The following ARSG variants were observed in gnomAD, a reference collection of about 807,000 sequenced individuals.
ARSG encodes arylsulfatase G.
Under a neutral mutation model 50.5 loss-of-function variants are expected in ARSG, and 37 were observed. The observed-to-expected ratio is 0.73, with a 90% CI of 0.56 to 0.96. The LOEUF (loss-of-function observed/expected upper bound fraction) is 0.96. Ranked by LOEUF, ARSG falls within the 50% of genes least tolerant of loss-of-function variation. The pLI, the probability that ARSG is intolerant of heterozygous loss-of-function variation, is 0.00. For missense variants in ARSG, 629 were observed against 675.3 expected (o/e 0.93, Z 0.76); for synonymous variants, 225 against 254.6 (o/e 0.88, Z 1.11).
chr17:68,325,336 A>G (rs1050253889), intron 2 of ARSG, among the ~76,000 whole-genome samples: 1 of 151,648 alleles, frequency 6.6e-6, no homozygotes, highest in Non-Finnish European at 1.5e-5. Flanking sequence ...CCCAGATGGG[A>G]CCATCTAGTT....
intron 11 of ARSG, among the ~76,000 whole-genome samples, chr17:68,409,638 G>C (rs886714935): frequency 3.3e-5 from 5 of 150,040 alleles, no homozygotes; most frequent in African/African-American, 1.2e-4. Flanking sequence ...CTTTAAAGTA[G>C]TTTTTTCCAA....
chr17:68,358,438 C>T (rs1369604011), intron 6 of ARSG, among the ~76,000 whole-genome samples: 1 of 151,944 alleles, frequency 6.6e-6, no homozygotes, highest in African/African-American at 2.4e-5. Flanking sequence ...TCTGTAATCC[C>T]AGCACTTTGG....
At chr17:68,324,425 A>G (rs1044300590) in intron 2 of ARSG, among the ~76,000 whole-genome samples, 1 of 152,144 alleles carries the variant, frequency 6.6e-6, no homozygotes, top group South Asian at 2.1e-4. Flanking sequence ...GGCTCCTGTA[A>G]CACGATGACC....
At chr17:68,428,243 T>TA in the ARSG span, 3 of 151,654 alleles carry the variant, frequency 2.0e-5, no homozygotes, top group African/African-American at 7.3e-5. Flanking sequence ...TTTTTTTTTT[T>TA]ATTTTGAGAC....
chr17:68,432,724 C>T, the ARSG span, among the ~76,000 whole-genome samples: 1 of 152,198 alleles, frequency 6.6e-6, no homozygotes, highest in Non-Finnish European at 1.5e-5. Flanking sequence ...TCCCCAGATA[C>T]AGTAGGCTTT....
At chr17:68,395,556 A>G (rs547376393) in intron 10 of ARSG, among the ~76,000 whole-genome samples, 21 of 152,322 alleles carry the variant, frequency 1.4e-4, no homozygotes, top group African/African-American at 5.1e-4. Flanking sequence ...TTCAGACCCC[A>G]AAAGGTGAAG....
chr17:68,430,315 G>A, the ARSG span, among the ~76,000 whole-genome samples: 97 of 152,222 alleles, frequency 6.4e-4, no homozygotes, highest in African/African-American at 2.2e-3. Context: ...AATCCAGGAC[G>A]TATTATTCTG....
intron 8 of ARSG, among the ~76,000 whole-genome samples, chr17:68,379,140 G>A (rs1333683506): frequency 1.3e-5 from 2 of 152,156 alleles, no homozygotes; most frequent in African/African-American, 4.8e-5. Flanking sequence ...CGGAGTCCTG[G>A]GTCTGAATAG....
At chr17:68,322,840 G>A (rs939510872) in intron 2 of ARSG, among the ~76,000 whole-genome samples, 2 of 152,124 alleles carry the variant, frequency 1.3e-5, no homozygotes, top group African/African-American at 2.4e-5. Context: ...AACAATAAAT[G>A]TTTATTTCTC....
chr17:68,270,412 G>A (rs1461391455), intron 1 of ARSG, among the ~76,000 whole-genome samples: 4 of 152,140 alleles, frequency 2.6e-5, no homozygotes, highest in African/African-American at 9.7e-5. Context: ...AAATTAGCCA[G>A]GCGTGGTGGT....
the ARSG span, among the ~76,000 whole-genome samples, chr17:68,444,750 T>C: frequency 1.2e-3 from 190 of 152,280 alleles, no homozygotes; most frequent in Non-Finnish European, 2.2e-3. Flanking sequence ...TGTACACACA[T>C]ACACATGTAA....
chr17:68,414,878 T>C (rs2082271107), intron 11 of ARSG, among the ~76,000 whole-genome samples: 1 of 152,224 alleles, frequency 6.6e-6, no homozygotes, highest in Admixed American at 6.5e-5. Flanking sequence ...TGTTGTAATA[T>C]CTCCTGTTTT....
intron 2 of ARSG, among the ~76,000 whole-genome samples, chr17:68,310,264 C>A (rs1307420439): frequency 6.6e-6 from 1 of 152,188 alleles, no homozygotes; most frequent in Non-Finnish European, 1.5e-5. Flanking sequence ...CCAGCCCCAA[C>A]ATCCAGAGTT....
intron 9 of ARSG, among the ~76,000 whole-genome samples, chr17:68,390,886 C>G (rs1382704806): frequency 6.7e-6 from 1 of 150,338 alleles, no homozygotes; most frequent in Non-Finnish European, 1.5e-5. Flanking sequence ...CTCAGCCTCC[C>G]AAAGTGCTGA....
At chr17:68,337,523 G>C (rs2078076700) in intron 2 of ARSG, among the ~76,000 whole-genome samples, 1 of 152,132 alleles carries the variant, frequency 6.6e-6, no homozygotes, top group East Asian at 1.9e-4. Flanking sequence ...GAAGGAGGAA[G>C]GTTTCCAGAA....
At chr17:68,368,975 G>GCACACACA (rs2079688590) in intron 7 of ARSG, among the ~76,000 whole-genome samples, 1 of 152,230 alleles carries the variant, frequency 6.6e-6, no homozygotes, top group Non-Finnish European at 1.5e-5. Flanking sequence ...CACCTTGCTG[G>GCACACACA]CCCGTTGTGT....
rs576205237 is a variant in ARSG, at chr17:68,318,051, A to G, written c.218+10340A>G. ...GAGGTGGAGGTTGCAGTGAGCTGAG[A>G]TTGTGCCTTTGCACTCCAGACTGGG... On this transcript the variant is annotated intron_variant, in intron 2 of 11. Transcript: ENST00000621439. Among the ~76,000 whole-genome samples, 12 of 152,078 alleles carry G rather than the reference A, an allele frequency of 7.9e-5. No homozygotes were observed. The South Asian group carries it at 2.5e-3, about 32-fold the overall frequency.
intron 1 of ARSG, among the ~76,000 whole-genome samples, chr17:68,295,814 G>T (rs1555757985): frequency 1.3e-5 from 2 of 151,430 alleles, no homozygotes; most frequent in Non-Finnish European, 1.5e-5. Context: ...CAAGTAGCTG[G>T]GACTACAGGT....
At chr17:68,394,380 T>A (rs2081138888) in intron 9 of ARSG, among the ~76,000 whole-genome samples, 1 of 152,046 alleles carries the variant, frequency 6.6e-6, no homozygotes, top group African/African-American at 2.4e-5. Context: ...GGCAGGAGAA[T>A]CACCTGAAGC....
Sources: allele counts gnomAD v4.1 joint callset (sites outside exome capture counted in the v4.1 genomes callset), GRCh38; gene constraint gnomAD v4.1.1; transcripts MANE v1.5; gene names NCBI Gene and HGNC (gene_info 2026-07-23, HGNC 2026-07-21).